Variants in WWOX observed in about 807,000 individuals in gnomAD.
WWOX encodes the protein WW domain containing oxidoreductase, also known as WW domain-containing oxidoreductase.
Under a neutral mutation model 46.2 loss-of-function variants are expected in WWOX, and 69 were observed. That is an observed-to-expected ratio of 1.49 (90% CI 1.23 to 1.82). WWOX has a LOEUF of 1.82. Among genes scored for constraint, WWOX ranks in the 40% most tolerant of loss-of-function variants. WWOX has a pLI of 0.00. For synonymous variants in WWOX, 359 were observed against 202.6 expected, an observed-to-expected ratio of 1.77 and a Z score of -6.56; for missense variants, 919 against 542.6, an observed-to-expected ratio of 1.69 and a Z score of -6.89.
chr16:78,376,414 C>G (rs1454954243), intron 5 of WWOX, among the ~76,000 whole-genome samples: 1 of 152,134 alleles, frequency 6.6e-6, no homozygotes, highest in East Asian at 1.9e-4. Flanking sequence ...ACCAGGCTGT[C>G]CCTGTTCTTA....
intron 8 of WWOX, among the ~76,000 whole-genome samples, chr16:78,839,533 C>T (rs924335712): frequency 6.6e-6 from 1 of 152,120 alleles, no homozygotes; most frequent in Non-Finnish European, 1.5e-5. Flanking sequence ...CTTCCTCATG[C>T]TAATAGGTGT....
At chr16:78,576,556 G>C (rs2044885128) in intron 8 of WWOX, among the ~76,000 whole-genome samples, 1 of 152,184 alleles carries the variant, frequency 6.6e-6, no homozygotes, top group Non-Finnish European at 1.5e-5. Context: ...GCTGCTTTGA[G>C]GCCTGGTACC....
At chr16:79,160,247 T>A (rs2050459209) in intron 8 of WWOX, among the ~76,000 whole-genome samples, 1 of 152,120 alleles carries the variant, frequency 6.6e-6, no homozygotes, top group Admixed American at 6.6e-5. Flanking sequence ...TGTATAGACA[T>A]CCCTGGTCCA....
intron 8 of WWOX, among the ~76,000 whole-genome samples, chr16:78,804,472 T>A (rs2050975845): frequency 6.6e-6 from 1 of 152,056 alleles, no homozygotes; most frequent in Non-Finnish European, 1.5e-5. Flanking sequence ...CTTTTAATAT[T>A]AACTCCATTA....
At chr16:78,115,993 T>C (rs1567579782) in intron 4 of WWOX, among the ~76,000 whole-genome samples, 1 of 152,158 alleles carries the variant, frequency 6.6e-6, no homozygotes, top group Non-Finnish European at 1.5e-5. Context: ...TTCTCTTTCC[T>C]AATTTTGTTT....
intron 8 of WWOX, among the ~76,000 whole-genome samples, chr16:78,875,377 T>G (rs937242200): frequency 1.3e-5 from 2 of 152,210 alleles, no homozygotes; most frequent in African/African-American, 4.8e-5. Flanking sequence ...ATATAAGACA[T>G]TTCCAGTGTC....
intron 8 of WWOX, among the ~76,000 whole-genome samples, chr16:78,543,131 A>C (rs1017127292): frequency 6.6e-6 from 1 of 152,242 alleles, no homozygotes; most frequent in South Asian, 2.1e-4. Flanking sequence ...TCTTCTGCAC[A>C]GTCCCTGAGG....
rs185821277 is a variant in WWOX, at chr16:78,744,603, T to G, written c.1056+311851T>G. On this transcript the variant is annotated intron_variant, in intron 8 of 8. Transcript: ENST00000566780. ...CCTGCCACCACACCTGGCTAATTTT[T>G]GTATTTTTAGTAGAGATGAGGTTTC... 1.8e-3 allele frequency among the ~76,000 whole-genome samples: 280 copies of G among 151,956 alleles called. 1 individual carries two copies. Among genetic ancestry groups the G allele is most frequent in the African/African-American group, 6.2e-3 (258 of 41,436 alleles).
intron 8 of WWOX, among the ~76,000 whole-genome samples, chr16:78,966,507 C>T (rs1242768258): frequency 1.3e-5 from 2 of 151,756 alleles, no homozygotes; most frequent in African/African-American, 4.9e-5. Flanking sequence ...GTGGCTATGA[C>T]TGTAGTTTTT....
At position 78,466,530 on chromosome 16, in the gene WWOX, T is replaced by C. The variant is rs542981327; in HGVS notation, c.1056+33778T>C. ...CATGTGGCATATTAAGCTGCTGTTG[T>C]TGTTTTTTAAATATTCCAGCTGCGT... On this transcript the variant is annotated intron_variant, in intron 8 of 8. Transcript: ENST00000566780. Among the ~76,000 whole-genome samples the C allele has an allele frequency of 7.6e-4, 116 of 152,278 alleles. 1 individual carries two copies. The highest frequency in any genetic ancestry group is 2.6e-3 in the African/African-American group (109 of 41,572).
chr16:79,176,213 A>G (rs1225898196), intron 8 of WWOX, among the ~76,000 whole-genome samples: 1 of 152,204 alleles, frequency 6.6e-6, no homozygotes, highest in Non-Finnish European at 1.5e-5. Context: ...TAACACAGAA[A>G]GCAACATAAG....
chr16:78,460,462 T>G (rs1699629819), intron 8 of WWOX, among the ~76,000 whole-genome samples: 2 of 152,204 alleles, frequency 1.3e-5, no homozygotes, highest in South Asian at 4.1e-4. Context: ...CTACTCTTTG[T>G]CCTTTTCTCT....
chr16:79,188,172 C>G (rs987619527), intron 8 of WWOX, among the ~76,000 whole-genome samples: 1 of 152,106 alleles, frequency 6.6e-6, no homozygotes, highest in Admixed American at 6.6e-5. Context: ...TTGAGCTAAA[C>G]GAAGCAGAGA....
chr16:78,369,234 C>T (rs2081608611), intron 5 of WWOX, among the ~76,000 whole-genome samples: 1 of 152,088 alleles, frequency 6.6e-6, no homozygotes, highest in South Asian at 2.1e-4. Flanking sequence ...TCAGATTTCT[C>T]CTCTGTCACA....
At chr16:79,049,265 G>C (rs558497001) in intron 8 of WWOX, among the ~76,000 whole-genome samples, 12 of 152,294 alleles carry the variant, frequency 7.9e-5, no homozygotes, top group African/African-American at 2.6e-4. Context: ...AAAAACAAGA[G>C]GAGGGCCAGA....
chr16:78,751,461 T>TTTTATATATATATATA, intron 8 of WWOX, among the ~76,000 whole-genome samples: 1 of 128,438 alleles, frequency 7.8e-6, no homozygotes, highest in Middle Eastern at 4.1e-3. Flanking sequence ...TTATCAGATT[T>TTTTATATATATATATA]TATATATATA....
At chr16:78,591,090 A>G (rs2045340142) in intron 8 of WWOX, among the ~76,000 whole-genome samples, 1 of 152,164 alleles carries the variant, frequency 6.6e-6, no homozygotes, top group Non-Finnish European at 1.5e-5. Context: ...GTGACATGCC[A>G]TGATGTGGTT....
At chr16:78,236,037 A>G (rs1216930034) in intron 5 of WWOX, among the ~76,000 whole-genome samples, 1 of 152,206 alleles carries the variant, frequency 6.6e-6, no homozygotes, top group African/African-American at 2.4e-5. Flanking sequence ...TAATATATAA[A>G]TGGACGGATG....
At chr16:78,209,782 T>C (rs1597355129) in intron 5 of WWOX, among the ~76,000 whole-genome samples, 2 of 151,418 alleles carry the variant, frequency 1.3e-5, no homozygotes, top group South Asian at 4.2e-4. Context: ...TGTACAAATA[T>C]AAATACTGTA....
Sources: allele counts gnomAD v4.1 joint callset (sites outside exome capture counted in the v4.1 genomes callset), GRCh38; gene constraint gnomAD v4.1.1; transcripts MANE v1.5; gene names NCBI Gene and HGNC (gene_info 2026-07-23, HGNC 2026-07-21).